FAM149A: variants seen among roughly 807,000 people sequenced by gnomAD.
FAM149A encodes the protein protein FAM149A.
A neutral mutation model predicts 78.2 loss-of-function variants in FAM149A; 71 were observed. The ratio of observed to expected loss-of-function variants is 0.91; its 90% confidence interval spans 0.75 to 1.11. The LOEUF is 1.11. FAM149A is among the 50% of genes least tolerant of loss of function. FAM149A has a pLI of 0.00. For missense variants in FAM149A, 1,036 were observed against 971.0 expected, an observed-to-expected ratio of 1.07 and a Z score of -0.89; for synonymous variants, 446 against 410.5, an observed-to-expected ratio of 1.09 and a Z score of -1.04.
rs542489629 is a variant in FAM149A at position 186,158,041 on chromosome 4, G to C, written c.1575+322G>C. The C allele has an allele frequency of 4.9e-5, 69 of 1,400,778 alleles. No homozygotes were observed. In the African/African-American group the frequency reaches 8.4e-4, roughly 17 times the overall value. The allele number at this position is 1,400,778 out of a possible 1,614,324, so 86.8% of individuals were successfully genotyped here. On this transcript the variant is annotated intron_variant, in intron 8 of 13. Transcript: ENST00000389354. ...AGGACGGACCAGCGATGGCATCTCT[G>C]TCATAAATCTGAAGGGACCTGGGAG...
At chr4:186,129,115 G>A (rs2099319530) in intron 1 of FAM149A, among the ~76,000 whole-genome samples, 1 of 148,502 alleles carries the variant, frequency 6.7e-6, no homozygotes, top group South Asian at 2.2e-4. Context: ...CTGTGTCTGT[G>A]TATGAGTGTG....
chr4:186,131,842 C>A lies in FAM149A; in HGVS notation c.567-17331C>A, dbSNP rs541091825. The stretch of plus-strand genomic sequence containing the variant: ...ATTGCTAACCAAAAAGTAAAAGTTA[C>A]ACTGCATTAAAATTAAGAACTTCTG... On this transcript the variant is annotated intron_variant, in intron 1 of 13. Coordinates refer to ENST00000389354, the MANE Select transcript of FAM149A (RefSeq NM_001367768.3). 8 of 955,330 alleles carry A rather than the reference C, an allele frequency of 8.4e-6. No individual in the cohort carries two copies. In the African/African-American group the frequency reaches 1.4e-4, roughly 17 times the overall value. The allele number at this position is 955,330 out of a possible 1,614,324, so 59.2% of individuals were successfully genotyped here.
intron 1 of FAM149A, among the ~76,000 whole-genome samples, chr4:186,148,827 G>A (rs765632876): frequency 3.9e-5 from 6 of 152,160 alleles, no homozygotes; most frequent in Non-Finnish European, 8.8e-5. Context: ...ACTGGGACCT[G>A]AAATCCCTGA....
At chr4:186,146,742 T>C in intron 1 of FAM149A, 1 of 965,056 alleles carries the variant, frequency 1.0e-6, no homozygotes, top group Non-Finnish European at 1.2e-6. Flanking sequence ...GCTGTGACTT[T>C]TTAACGAGTA....
At chr4:186,136,275 AAC>A (rs1220228584) in intron 1 of FAM149A, among the ~76,000 whole-genome samples, 1 of 152,194 alleles carries the variant, frequency 6.6e-6, no homozygotes, top group Non-Finnish European at 1.5e-5. Flanking sequence ...ATTTTTGTAA[AAC>A]AGTTTTTAGA....
chr4:186,110,271 T>C (rs1345043531), intron 1 of FAM149A: 2 of 985,272 alleles, frequency 2.0e-6, no homozygotes, highest in Non-Finnish European at 2.4e-6. Flanking sequence ...ATTATTGTCT[T>C]AGGTCTTTTT....
chr4:186,110,188 A>G (rs1402713771), intron 1 of FAM149A: 7 of 985,282 alleles, frequency 7.1e-6, no homozygotes, highest in African/African-American at 1.7e-5. Flanking sequence ...TTTCTTCCTC[A>G]TATAATCCAC....
At chr4:186,110,271 T>TAAC (rs2099310646) in intron 1 of FAM149A, 21 of 985,390 alleles carry the variant, frequency 2.1e-5, no homozygotes, top group South Asian at 4.7e-5. Context: ...ATTATTGTCT[T>TAAC]AGGTCTTTTT....
At chr4:186,135,288 A>G (rs1055603027) in intron 1 of FAM149A, among the ~76,000 whole-genome samples, 4 of 152,184 alleles carry the variant, frequency 2.6e-5, no homozygotes, top group Admixed American at 6.5e-5. Flanking sequence ...CAATCTCCCA[A>G]TTCTAGTGTT....
At chr4:186,136,374 T>A (rs1257952099) in intron 1 of FAM149A, among the ~76,000 whole-genome samples, 4 of 152,194 alleles carry the variant, frequency 2.6e-5, no homozygotes, top group African/African-American at 9.6e-5. Context: ...ATTGGACCCA[T>A]TTGTTCAATA....
intron 13 of FAM149A, chr4:186,169,189 C>G (rs1025213659): frequency 1.0e-6 from 1 of 984,076 alleles, no homozygotes. Flanking sequence ...AGTGTATTCT[C>G]TTATCAGTAA....
rs577281127 is a variant in FAM149A, at chr4:186,148,595, ATTTC to A, written c.567-575_567-572del. Among the ~76,000 whole-genome samples the A allele has an allele frequency of 2.0e-4, 30 of 152,294 alleles. 1 individual carries two copies. The highest frequency in any genetic ancestry group is 1.5e-3 in the Admixed American group (23 of 15,296). On this transcript the variant is annotated intron_variant, in intron 1 of 13. Transcript: ENST00000389354. ...TTAATAGTTTATTTAACATCTAGATATTTCTTCTGTTTTAGTTCTTCATTAAATT... is the reference window on the plus strand; with the variant it reads ...TTAATAGTTTATTTAACATCTAGATATTCTGTTTTAGTTCTTCATTAAATT...
chr4:186,158,295 C>A, intron 8 of FAM149A: 1 of 1,220,286 alleles, frequency 8.2e-7, no homozygotes, highest in Non-Finnish European at 1.0e-6. Context: ...AGAGAGGCGT[C>A]TTGGCTAGCC....
At chr4:186,106,320 A>G (rs1360508756) in intron 1 of FAM149A, among the ~76,000 whole-genome samples, 1 of 152,176 alleles carries the variant, frequency 6.6e-6, no homozygotes, top group East Asian at 1.9e-4. Flanking sequence ...ACACACCCAC[A>G]CAACACCCCT....
At chr4:186,110,531 C>G (rs1044139567) in intron 1 of FAM149A, among the ~76,000 whole-genome samples, 1 of 139,518 alleles carries the variant, frequency 7.2e-6, no homozygotes, top group Non-Finnish European at 1.5e-5. Context: ...TCTCCCAATG[C>G]TATCCCTCCC....
chr4:186,129,630 C>G (rs2099319725), intron 1 of FAM149A, among the ~76,000 whole-genome samples: 4 of 152,106 alleles, frequency 2.6e-5, no homozygotes, highest in African/African-American at 9.7e-5. Context: ...GGACTGAAAC[C>G]CAGTTTTAGA....
intron 1 of FAM149A, chr4:186,127,810 C>A (rs930287704): frequency 3.2e-6 from 1 of 315,162 alleles, no homozygotes; most frequent in African/African-American, 2.2e-5. Context: ...CTCAGCCTCT[C>A]AAGTAGCTGG....
chr4:186,159,247 C>CA (rs151277926), intron 8 of FAM149A, among the ~76,000 whole-genome samples: 2,478 of 142,714 alleles, frequency 0.017, 77 homozygotes, highest in African/African-American at 0.061. Context: ...GAGGGTCGCG[C>CA]AAAAAAAAAC....
chr4:186,154,755 C>A, intron 6 of FAM149A, 117 bp downstream of exon 6: 1 of 1,439,260 alleles, frequency 6.9e-7, no homozygotes, highest in South Asian at 1.5e-5. Flanking sequence ...CAAAAGATTT[C>A]TGTTCTTTTG....
Sources: gnomAD v4.1 joint callset for allele counts (sites outside exome capture counted in the v4.1 genomes callset) on GRCh38, gnomAD v4.1.1 for gene constraint, MANE v1.5 for transcripts, NCBI Gene and HGNC (gene_info 2026-07-23, HGNC 2026-07-21) for gene names.